The following SFXN5 variants were observed in gnomAD, a reference collection of about 807,000 sequenced individuals.
SFXN5 encodes the protein sideroflexin 5.
SFXN5 carries 43 observed loss-of-function variants against 50.2 expected under a neutral mutation model. The observed-to-expected ratio is 0.86, with a 90% CI of 0.67 to 1.11. SFXN5 has a LOEUF of 1.11. Among genes scored for constraint, SFXN5 ranks in the 50% least tolerant of loss-of-function variants. The probability of loss-of-function intolerance (pLI) is 0.00; values close to 1 mark genes in which losing one functional copy is unlikely to be tolerated. For synonymous variants in SFXN5, 203 were observed against 185.8 expected (o/e 1.09, Z -0.75); for missense variants, 463 against 454.1 (o/e 1.02, Z -0.18).
rs1670319427 is a variant in SFXN5, at chr2:72,973,904, G to A, written c.626-2219C>T. ...GACAGTGGGGTTTTCTGCCCTGAAA[G>A]GCATCAATCCTAGCCCTCTGATGAC... On this transcript the variant is annotated intron_variant, in intron 10 of 13. Transcript: ENST00000272433. The surrounding 1 kb of genome is among the most constrained non-coding windows in gnomAD (Gnocchi z 5.5). Among the ~76,000 whole-genome samples the A allele has an allele frequency of 6.6e-6, 1 of 152,206 alleles. No individual in the cohort carries two copies. Among genetic ancestry groups the A allele is most frequent in the African/African-American group, 2.4e-5 (1 of 41,456 alleles).
intron 10 of SFXN5, among the ~76,000 whole-genome samples, chr2:72,985,683 G>C (rs1671831920): frequency 6.6e-6 from 1 of 152,206 alleles, no homozygotes; most frequent in Non-Finnish European, 1.5e-5. Flanking sequence ...GATCCCGCAA[G>C]CAAGGACTGT....
rs1466119514 is a variant in SFXN5, at chr2:72,961,453, C to T, written c.828-205G>A. Among the ~76,000 whole-genome samples the T allele has an allele frequency of 1.3e-5, 2 of 152,224 alleles. No homozygotes were observed. Among genetic ancestry groups the T allele is most frequent in the African/African-American group, 4.8e-5 (2 of 41,462 alleles). On this transcript the variant is annotated intron_variant, in intron 12 of 13. Coordinates refer to ENST00000272433, the MANE Select transcript of SFXN5 (RefSeq NM_144579.3). The surrounding 1 kb of genome is among the most constrained non-coding windows in gnomAD (Gnocchi z 4.4). ...CCCCTATCCCAGCGGGTATAGACCC[C>T]TATCCCAATGTCTTGAAGGACGTTG... is the stretch of plus-strand genomic sequence containing the variant.
chr2:72,967,984 CTG>C (rs1260675718), intron 12 of SFXN5, among the ~76,000 whole-genome samples: 6 of 152,142 alleles, frequency 3.9e-5, no homozygotes, highest in Non-Finnish European at 5.9e-5. Flanking sequence ...AGCAGAGAAA[CTG>C]AGGCTCAGTA....
chr2:72,971,745 G>T, intron 10 of SFXN5, 60 bp from the exon 11 acceptor site: 1 of 1,314,448 alleles, frequency 7.6e-7, no homozygotes, highest in Non-Finnish European at 1.1e-6. Context: ...CCACCTGGAG[G>T]GAGGTCACTA....
At chr2:72,952,974 T>C (rs1672697003) in intron 13 of SFXN5, among the ~76,000 whole-genome samples, 1 of 152,176 alleles carries the variant, frequency 6.6e-6, no homozygotes, top group South Asian at 2.1e-4. Flanking sequence ...CTCCCTATCC[T>C]GGATTCAGCT....
chr2:73,004,666 A>G (rs1319310861), intron 6 of SFXN5, among the ~76,000 whole-genome samples: 2 of 151,926 alleles, frequency 1.3e-5, no homozygotes, highest in African/African-American at 4.8e-5. Flanking sequence ...GTGAGGTTAG[A>G]AGACAGGAAC....
chr2:73,047,275 T>TATATATAC (rs1300799277), intron 2 of SFXN5, among the ~76,000 whole-genome samples: 4 of 51,746 alleles, frequency 7.7e-5, no homozygotes, highest in African/African-American at 1.6e-4. Context: ...TATATATATA[T>TATATATAC]ACACACATAT....
chr2:72,969,697 C>CTTT (rs35747238), intron 11 of SFXN5, among the ~76,000 whole-genome samples: 74 of 142,102 alleles, frequency 5.2e-4, no homozygotes, highest in African/African-American at 1.6e-3. Flanking sequence ...GCCCGGCCTA[C>CTTT]TTTTTTTTTT....
chr2:72,990,555 G>A (rs752497045), intron 9 of SFXN5, among the ~76,000 whole-genome samples: 24 of 152,180 alleles, frequency 1.6e-4, no homozygotes, highest in Non-Finnish European at 3.4e-4. Flanking sequence ...CACTTCCTAC[G>A]TGAGGCCACT....
At position 72,942,925 on chromosome 2, in the gene SFXN5, G is replaced by A. The variant is rs1410012221; in HGVS notation, c.*2097C>T. Reference sequence around the variant, plus strand: ...AAGAATAAGACCTTATGATAGGTAGGAGCAGGGTGAGCTTGAAGTGAGCTT... The same window carrying A: ...AAGAATAAGACCTTATGATAGGTAGAAGCAGGGTGAGCTTGAAGTGAGCTT... On this transcript the variant is annotated 3_prime_UTR_variant, in exon 14 of 14. Transcript: ENST00000272433. 6.6e-6 allele frequency: 1 copy of A among 152,316 alleles called. No individual in the cohort carries two copies. The highest frequency in any genetic ancestry group is 1.9e-4 in the East Asian group (1 of 5,190). 9.4% of individuals were successfully genotyped at this position (152,316 alleles called of 1,614,324 possible).
chr2:73,012,165 G>A (rs1218186535), intron 6 of SFXN5, among the ~76,000 whole-genome samples: 1 of 152,198 alleles, frequency 6.6e-6, no homozygotes, highest in Non-Finnish European at 1.5e-5. Context: ...TTAAATGTAT[G>A]CAGATATCTA....
In SFXN5 at chr2:72,975,781, A is replaced by G. The variant is rs537302756; in HGVS notation, c.626-4096T>C. On this transcript the variant is annotated intron_variant, in intron 10 of 13. Transcript: ENST00000272433. ...AAAACATCTTTCTAAAACTTACACTATAATGGAGCACGGACATGAAAAGTT... is the reference window on the plus strand; with the variant it reads ...AAAACATCTTTCTAAAACTTACACTGTAATGGAGCACGGACATGAAAAGTT... 2.6e-5 allele frequency among the ~76,000 whole-genome samples: 4 copies of G among 152,374 alleles called. No individual in the cohort carries two copies. The East Asian group carries it at 5.8e-4, about 22-fold the overall frequency.
chr2:73,020,372 G>C, intron 5 of SFXN5, 108 bp from the exon 6 acceptor site: 1 of 1,103,242 alleles, frequency 9.1e-7, no homozygotes, highest in Non-Finnish European at 1.3e-6. Context: ...CCTGATGAAG[G>C]GGCTCAGGTC....
intron 1 of SFXN5, among the ~76,000 whole-genome samples, chr2:73,058,854 CCT>C (rs1256064036): frequency 3.9e-5 from 6 of 152,104 alleles, no homozygotes; most frequent in Admixed American, 1.3e-4. Context: ...TCCATTTTCC[CCT>C]CTCTCTCCCA....
chr2:72,970,710 C>G (rs1405726222), intron 11 of SFXN5, among the ~76,000 whole-genome samples: 1 of 150,954 alleles, frequency 6.6e-6, no homozygotes, highest in Non-Finnish European at 1.5e-5. Context: ...TTTTTTGAGA[C>G]GGAGTTTCGC....
chr2:73,000,000 G>A (rs1185690998), intron 8 of SFXN5, among the ~76,000 whole-genome samples: 3 of 152,146 alleles, frequency 2.0e-5, no homozygotes, highest in Non-Finnish European at 2.9e-5. Flanking sequence ...CCTTCAGCTT[G>A]TGGCCAGCAG....
chr2:73,025,302 C>T (rs756069509), intron 3 of SFXN5, among the ~76,000 whole-genome samples: 1 of 152,084 alleles, frequency 6.6e-6, no homozygotes, highest in African/African-American at 2.4e-5. Flanking sequence ...CCACCCCAGT[C>T]GTAACCTTCT....
rs1235177618 is a variant in SFXN5 at position 72,945,100 on chromosome 2, C to T, written c.946-1G>A. 10 of 1,613,652 alleles carry T rather than the reference C, an allele frequency of 6.2e-6. No homozygotes were observed. The highest frequency in any genetic ancestry group is 1.3e-5 in the African/African-American group (1 of 74,914). ...CCGGCTCTAATTGGGATGTTTCAAT[C>T]TGTGGAGAGAGAACAGAGAGGAAAA... is the stretch of plus-strand genomic sequence containing the variant. On this transcript the variant is annotated splice_acceptor_variant, in intron 13 of 13. Coordinates refer to ENST00000272433, the MANE Select transcript of SFXN5 (RefSeq NM_144579.3). LOFTEE classifies it high-confidence loss of function. The surrounding 1 kb of genome is among the most constrained non-coding windows in gnomAD (Gnocchi z 5.8).
At position 72,944,416 on chromosome 2, in the gene SFXN5, G is replaced by C. The variant is rs1381785701; in HGVS notation, c.*606C>G. The C allele has an allele frequency of 6.5e-6, 1 of 152,734 alleles. No homozygotes were observed. Among genetic ancestry groups the C allele is most frequent in the African/African-American group, 2.4e-5 (1 of 41,442 alleles). The allele number at this position is 152,734 out of a possible 1,614,324, so 9.5% of individuals were successfully genotyped here. On this transcript the variant is annotated 3_prime_UTR_variant, in exon 14 of 14. Coordinates refer to ENST00000272433, the MANE Select transcript of SFXN5 (RefSeq NM_144579.3). The stretch of plus-strand genomic sequence containing the variant: ...CCACAGAATCTTGCAGAGGCCTCCA[G>C]TGCTCCCTGATTCCCTGGGCCACTG...
Sources: allele counts gnomAD v4.1 joint callset (sites outside exome capture counted in the v4.1 genomes callset), GRCh38; gene constraint gnomAD v4.1.1; non-coding constraint Gnocchi (gnomAD v3.1); transcripts MANE v1.5; gene names NCBI Gene and HGNC (gene_info 2026-07-23, HGNC 2026-07-21).